Variants in VPS13B observed in about 807,000 individuals in gnomAD.
The protein encoded by VPS13B is intermembrane lipid transfer protein VPS13B.
Under a neutral mutation model 426.4 loss-of-function variants are expected in VPS13B, and 285 were observed. The observed-to-expected ratio is 0.67, with a 90% confidence interval of 0.61 to 0.74. The LOEUF is 0.74. VPS13B is among the 30% of genes least tolerant of loss of function. The pLI is 0.00. For missense variants in VPS13B, 4,537 were observed against 4,782.6 expected (o/e 0.95, Z 1.51); for synonymous variants, 1,676 against 1,676.4 (o/e 1.00, Z 0.01).
intron 15 of VPS13B, among the ~76,000 whole-genome samples, chr8:99,160,269 C>T (rs1358064199): frequency 6.6e-6 from 1 of 152,100 alleles, no homozygotes; most frequent in Non-Finnish European, 1.5e-5. Flanking sequence ...CATGTTTTAG[C>T]TAAGCAAGCA....
chr8:99,576,752 G>T lies in VPS13B; in HGVS notation c.5077-738G>T, dbSNP rs569721791. 3.9e-5 allele frequency among the ~76,000 whole-genome samples: 6 copies of T among 152,200 alleles called. 1 individual carries two copies. In the Middle Eastern group the frequency reaches 0.02, roughly 518 times the overall value. On this transcript the variant is annotated intron_variant, in intron 32 of 61. Coordinates refer to ENST00000357162, the MANE Select transcript of VPS13B (RefSeq NM_152564.5). ...TTTTTTGTTTTGTTCTGTTTTCCTTGTCTGAACGGTTTTCCAGTGATAAAT... is the reference window on the plus strand; with the variant it reads ...TTTTTTGTTTTGTTCTGTTTTCCTTTTCTGAACGGTTTTCCAGTGATAAAT...
At chr8:99,064,889 A>C (rs1844393420) in intron 3 of VPS13B, among the ~76,000 whole-genome samples, 1 of 152,274 alleles carries the variant, frequency 6.6e-6, no homozygotes, top group African/African-American at 2.4e-5. Context: ...AGTGAAGCCC[A>C]TCAGACTAAC....
rs1448354468 is a variant in VPS13B at position 99,192,943 on chromosome 8, A to G, written c.2401A>G (p.Thr801Ala). The G allele has an allele frequency of 3.7e-6, 6 of 1,613,620 alleles. No homozygotes were observed. The highest frequency in any genetic ancestry group is 3.3e-5 in the Admixed American group (2 of 60,004). Residue 801 changes from threonine (T) to alanine (A), a missense_variant, in exon 17 of 62, where the codon ACA (threonine) becomes GCA (alanine). Transcript: ENST00000357162. ...ACTTCCAAATCTCACAATTCAAGCT[A>G]CAAGAGCACAGACACTTCTCTTGCA... ...FELPNLTIQA[T>A]RAQTLLLQAI...
intron 19 of VPS13B, among the ~76,000 whole-genome samples, chr8:99,299,313 C>T (rs1820227928): frequency 6.6e-6 from 1 of 151,876 alleles, no homozygotes; most frequent in African/African-American, 2.4e-5. Context: ...TCCACTGCCT[C>T]AGGCTCCCAA....
chr8:99,301,825 T>C (rs763147666), intron 19 of VPS13B, among the ~76,000 whole-genome samples: 6 of 152,014 alleles, frequency 3.9e-5, no homozygotes, highest in Non-Finnish European at 8.8e-5. Context: ...TGGGGTCTCA[T>C]TATGTTGCCC....
intron 33 of VPS13B, among the ~76,000 whole-genome samples, chr8:99,599,747 A>C (rs1827195943): frequency 6.6e-6 from 1 of 152,170 alleles, no homozygotes; most frequent in South Asian, 2.1e-4. Flanking sequence ...CAAATGACTT[A>C]AAATCCTCTC....
At chr8:99,590,474 G>C (rs1489185812) in intron 33 of VPS13B, among the ~76,000 whole-genome samples, 2 of 152,236 alleles carry the variant, frequency 1.3e-5, no homozygotes, top group East Asian at 3.9e-4. Context: ...TGGGCATTTA[G>C]TGCTATAAAT....
rs765516357 is a variant in VPS13B, at chr8:99,275,043, T to TCAA, written c.2651-38_2651-37insCAA. The stretch of plus-strand genomic sequence containing the variant: ...TCAAACATTCTCAAGTGACTCATGT[T>TCAA]TTATTTTTATTATTGTTTTATAAAT... On this transcript the variant is annotated intron_variant, in intron 18 of 61. Coordinates refer to ENST00000357162, the MANE Select transcript of VPS13B (RefSeq NM_152564.5). 319 of 1,522,360 alleles carry TCAA rather than the reference T, an allele frequency of 2.1e-4. 1 individual carries two copies. The African/African-American group carries it at 4.2e-3, about 20-fold the overall frequency. The allele number at this position is 1,522,360 out of a possible 1,614,324, so 94.3% of individuals were successfully genotyped here.
intron 19 of VPS13B, among the ~76,000 whole-genome samples, chr8:99,358,579 C>A (rs1331128562): frequency 6.6e-6 from 1 of 151,958 alleles, no homozygotes; most frequent in Non-Finnish European, 1.5e-5. Context: ...TTTTCTATAC[C>A]CAGTAGTCAA....
chr8:99,265,848 A>G (rs1440024902), intron 17 of VPS13B, among the ~76,000 whole-genome samples: 1 of 152,188 alleles, frequency 6.6e-6, no homozygotes, highest in African/African-American at 2.4e-5. Flanking sequence ...ACTCATTGCT[A>G]CTTGTTCATC....
At chr8:99,737,352 C>T (rs1833884585) in intron 39 of VPS13B, among the ~76,000 whole-genome samples, 3 of 151,560 alleles carry the variant, frequency 2.0e-5, no homozygotes, top group African/African-American at 7.3e-5. Context: ...AATCTCCTGA[C>T]CTCGGGATCC....
chr8:99,521,356 G>A (rs1473898865), intron 30 of VPS13B, among the ~76,000 whole-genome samples: 1 of 152,168 alleles, frequency 6.6e-6, no homozygotes, highest in African/African-American at 2.4e-5. Flanking sequence ...CTGTAGTCAT[G>A]TTGTATCAAA....
rs187518186 is a variant in VPS13B at position 99,826,767 on chromosome 8, T to C, written c.9330+2789T>C. 2.8e-3 allele frequency among the ~76,000 whole-genome samples: 426 copies of C among 152,324 alleles called. 1 individual carries two copies. The highest frequency in any genetic ancestry group is 6.8e-3 in the Middle Eastern group (2 of 294). ...CCATCAATACCTAGTTTATTGAGTG[T>C]TTTTAGCATGAAGGGGTGTTGAATT... On this transcript the variant is annotated intron_variant, in intron 51 of 61. Coordinates refer to ENST00000357162, the MANE Select transcript of VPS13B (RefSeq NM_152564.5).
Position 99,877,333 on chromosome 8 carries a change from G to A in VPS13B, c.*1667G>A, listed in dbSNP as rs978843746. On this transcript the variant is annotated 3_prime_UTR_variant, in exon 62 of 62. Coordinates refer to ENST00000357162, the MANE Select transcript of VPS13B (RefSeq NM_152564.5). ...CCTCAGAGTAACTATTTCTAAAAAT[G>A]TAAATATGTATTAATCCTTGTATCT... 2.0e-5 allele frequency: 3 copies of A among 152,632 alleles called. No homozygotes were observed. The highest frequency in any genetic ancestry group is 4.4e-5 in the Non-Finnish European group (3 of 68,030). 9.5% of individuals were successfully genotyped at this position (152,632 alleles called of 1,614,324 possible).
chr8:99,235,418 A>G (rs1362990824), intron 17 of VPS13B, among the ~76,000 whole-genome samples: 1 of 152,200 alleles, frequency 6.6e-6, no homozygotes, highest in East Asian at 1.9e-4. Flanking sequence ...GCAGCTTAGT[A>G]GTGTGCTATA....
chr8:99,426,027 C>A (rs1431478855), intron 21 of VPS13B, among the ~76,000 whole-genome samples: 1 of 150,214 alleles, frequency 6.7e-6, no homozygotes, highest in East Asian at 2.0e-4. Flanking sequence ...CGTCATCTAG[C>A]ATTAGGTATA....
At chr8:99,088,958 C>T (rs1341296100) in intron 3 of VPS13B, among the ~76,000 whole-genome samples, 1 of 152,084 alleles carries the variant, frequency 6.6e-6, no homozygotes, top group Admixed American at 6.5e-5. Flanking sequence ...GTGATGTTTT[C>T]CTGACTACTC....
intron 2 of VPS13B, among the ~76,000 whole-genome samples, chr8:99,028,759 G>A (rs1317300393): frequency 2.8e-5 from 4 of 142,742 alleles, no homozygotes; most frequent in African/African-American, 7.9e-5. Context: ...CAACTGGCCG[G>A]GCAGAGGGGC....
chr8:99,313,122 T>G (rs1368257247), intron 19 of VPS13B, among the ~76,000 whole-genome samples: 1 of 152,206 alleles, frequency 6.6e-6, no homozygotes, highest in East Asian at 1.9e-4. Flanking sequence ...AACTTCCTTC[T>G]TTAGCTCGGA....
Sources: gnomAD v4.1 joint callset for allele counts (sites outside exome capture counted in the v4.1 genomes callset) on GRCh38, gnomAD v4.1.1 for gene constraint, MANE v1.5 for transcripts, NCBI Gene and HGNC (gene_info 2026-07-23, HGNC 2026-07-21) for gene names.